The following KAT2A variants were observed in gnomAD, a reference collection of about 807,000 sequenced individuals.
The protein encoded by KAT2A is histone acetyltransferase KAT2A.
Under a neutral mutation model 95.2 loss-of-function variants are expected in KAT2A, and 42 were observed. That is an observed-to-expected ratio of 0.44 (90% CI 0.34 to 0.57). KAT2A has a LOEUF of 0.57. Among genes scored for constraint, KAT2A ranks in the 20% least tolerant of loss-of-function variants. KAT2A has a pLI of 0.01. For synonymous variants in KAT2A, 449 were observed against 448.2 expected, an observed-to-expected ratio of 1.00 and a Z score of -0.02; for missense variants, 784 against 1,126.3, an observed-to-expected ratio of 0.70 and a Z score of 4.35.
rs73311642 is a variant in KAT2A, at chr17:42,118,842, T to C, written c.1073+403A>G. On this transcript the variant is annotated intron_variant, in intron 6 of 17. Transcript: ENST00000225916. ...TTGAACAGGGGAGTTATGGCCTAGATTTTAAAAGGTGTGGCCGAACAGAAG... is the reference window on the plus strand; with the variant it reads ...TTGAACAGGGGAGTTATGGCCTAGACTTTAAAAGGTGTGGCCGAACAGAAG... Among the ~76,000 whole-genome samples, 722 of 152,292 alleles carry C rather than the reference T, an allele frequency of 4.7e-3. 7 individuals carry two copies. Among genetic ancestry groups the C allele is most frequent in the African/African-American group, 0.016 (683 of 41,546 alleles).
rs1490266865 is a variant in KAT2A at position 42,113,518 on chromosome 17, C to T, written c.*131G>A. The T allele has an allele frequency of 5.1e-6, 4 of 777,784 alleles. No homozygotes were observed. The South Asian group carries it at 5.4e-5, about 11-fold the overall frequency. The allele number at this position is 777,784 out of a possible 1,614,324, so 48.2% of individuals were successfully genotyped here. ...GAAGGTCCAGAAAGAGCTGCAGGAT[C>T]GGGTCCGGAGGACCCTTGGCTGGAG... On this transcript the variant is annotated 3_prime_UTR_variant, in exon 18 of 18. Coordinates refer to ENST00000225916, the MANE Select transcript of KAT2A (RefSeq NM_021078.3).
At position 42,114,118 on chromosome 17, in the gene KAT2A, C is replaced by A; in HGVS notation, c.2236-34G>T. 6.4e-7 allele frequency: 1 copy of A among 1,568,438 alleles called. No homozygotes were observed. The highest frequency in any genetic ancestry group is 8.6e-7 in the Non-Finnish European group (1 of 1,161,604). On this transcript the variant is annotated intron_variant, in intron 16 of 17. Coordinates refer to ENST00000225916, the MANE Select transcript of KAT2A (RefSeq NM_021078.3). This position sits in a 1 kb window ranked among gnomAD's most constrained non-coding sequence, Gnocchi z 6.0. Reference sequence around the variant, plus strand: ...AAGAGCCGGGCTGGGGACAGCCCTGCTGCGCCCACGCCAGCCCGAGACCAC... The same window carrying A: ...AAGAGCCGGGCTGGGGACAGCCCTGATGCGCCCACGCCAGCCCGAGACCAC...
In KAT2A at chr17:42,114,438, C is replaced by A. The variant is rs782303432; in HGVS notation, c.2135-44G>T. The A allele has an allele frequency of 1.9e-6, 3 of 1,613,724 alleles. No individual in the cohort carries two copies. The South Asian group carries it at 3.3e-5, about 18-fold the overall frequency. On this transcript the variant is annotated intron_variant, in intron 14 of 17. Transcript: ENST00000225916. This position sits in a 1 kb window ranked among gnomAD's most constrained non-coding sequence, Gnocchi z 6.0. ...GAGAATGTCTCTAAGAATGCCAGTC[C>A]ACACCCCAAGCATCGTGCCCCCACT... is the stretch of plus-strand genomic sequence containing the variant.
chr17:42,120,293 T>C lies in KAT2A; in HGVS notation c.541A>G (p.Asn181Asp). The change falls in exon 3 of 18, where the codon AAT (asparagine) becomes GAT (aspartate). Residue 181 changes from asparagine (N) to aspartate (D), a missense_variant. Physicochemically the swap from Asn to Asp is conservative, Grantham distance 23. Around this residue, in one of 6 missense-constraint regions of KAT2A, gnomAD observed 208 missense variants for 339.7 expected, o/e 0.61. Coordinates refer to ENST00000225916, the MANE Select transcript of KAT2A (RefSeq NM_021078.3). ...TCCTTGTGAACAGACATGAAGAGAT[T>C]CTCCACATCCACCACCATCCCCAGC... ...RLLGMVVDVE[N>D]LFMSVHKEED... 6.2e-7 allele frequency: 1 copy of C among 1,614,142 alleles called. No individual in the cohort carries two copies. Among genetic ancestry groups the C allele is most frequent in the Non-Finnish European group, 8.5e-7 (1 of 1,179,988 alleles).
chr17:42,121,310 C>G lies in KAT2A; in HGVS notation c.-6G>C. 7.3e-7 allele frequency: 1 copy of G among 1,367,150 alleles called. No individual in the cohort carries two copies. The highest frequency in any genetic ancestry group is 9.4e-7 in the Non-Finnish European group (1 of 1,067,812). 84.7% of individuals were successfully genotyped at this position (1,367,150 alleles called of 1,614,324 possible). On this transcript the variant is annotated 5_prime_UTR_variant, in exon 1 of 18. Transcript: ENST00000225916. The stretch of plus-strand genomic sequence containing the variant: ...GCCTGGGAAGGTTCCGCCATGGCCT[C>G]CCCCGCAGCGGAGAGCGGCGCCGCG...
In KAT2A at chr17:42,114,354, T is replaced by G. The variant is rs782644103; in HGVS notation, c.2171+4A>C. On this transcript the variant is annotated splice_donor_region_variant and intron_variant, in intron 15 of 17. Transcript: ENST00000225916. The surrounding 1 kb of genome is among the most constrained non-coding windows in gnomAD (Gnocchi z 6.0). ...ACCCCCAACCCGGCTCCTTTGACACTCACCCCTTCTCCTTCCCCAATGGCT... is the reference window on the plus strand; with the variant it reads ...ACCCCCAACCCGGCTCCTTTGACACGCACCCCTTCTCCTTCCCCAATGGCT... The G allele has an allele frequency of 6.2e-7, 1 of 1,613,694 alleles. No individual in the cohort carries two copies. Among genetic ancestry groups the G allele is most frequent in the South Asian group, 1.1e-5 (1 of 91,076 alleles).
At position 42,119,239 on chromosome 17, in the gene KAT2A, C is replaced by T; in HGVS notation, c.1073+6G>A. ...CCAAATCCTGGTAGGCCAGAAGGAGCCTTACTTGGGGAAGTGAGTGAGGAT... is the reference window on the plus strand; with the variant it reads ...CCAAATCCTGGTAGGCCAGAAGGAGTCTTACTTGGGGAAGTGAGTGAGGAT... On this transcript the variant is annotated splice_donor_region_variant and intron_variant, in intron 6 of 17. Transcript: ENST00000225916. This position sits in a 1 kb window ranked among gnomAD's most constrained non-coding sequence, Gnocchi z 5.3. The T allele has an allele frequency of 6.3e-7, 1 of 1,596,548 alleles. No individual in the cohort carries two copies. Among genetic ancestry groups the T allele is most frequent in the Non-Finnish European group, 8.6e-7 (1 of 1,168,208 alleles).
intron 12 of KAT2A, 75 bp from the exon 13 acceptor site, chr17:42,115,110 C>T (rs1555665705): frequency 4.7e-6 from 7 of 1,503,530 alleles, no homozygotes; most frequent in Non-Finnish European, 6.4e-6. Context: ...CCTGGGAGCA[C>T]CAGAGGAGTA....
chr17:42,119,225 T>C lies in KAT2A; in HGVS notation c.1073+20A>G, dbSNP rs1555666751. On this transcript the variant is annotated intron_variant, in intron 6 of 17. Coordinates refer to ENST00000225916, the MANE Select transcript of KAT2A (RefSeq NM_021078.3). The surrounding 1 kb of genome is among the most constrained non-coding windows in gnomAD (Gnocchi z 5.3). Reference sequence around the variant, plus strand: ...ATGTGAACTTGGGGCCAAATCCTGGTAGGCCAGAAGGAGCCTTACTTGGGG... The same window carrying C: ...ATGTGAACTTGGGGCCAAATCCTGGCAGGCCAGAAGGAGCCTTACTTGGGG... 2 of 1,582,024 alleles carry C rather than the reference T, an allele frequency of 1.3e-6. No homozygotes were observed. The highest frequency in any genetic ancestry group is 1.7e-6 in the Non-Finnish European group (2 of 1,160,526).
rs564691862 is a variant in KAT2A, at chr17:42,118,978, C to T, written c.1073+267G>A. ...GAAGGAGTCTGAGGCTGTGTCCAGG[C>T]CCCCATGGGAAACAATTAGTAACAT... On this transcript the variant is annotated intron_variant, in intron 6 of 17. Transcript: ENST00000225916. 7.2e-6 allele frequency: 9 copies of T among 1,247,664 alleles called. No homozygotes were observed. In the South Asian group the frequency reaches 1.2e-4, roughly 17 times the overall value. 77.3% of individuals were successfully genotyped at this position (1,247,664 alleles called of 1,614,324 possible).
rs1431668981 is a variant in KAT2A at position 42,114,545 on chromosome 17, G to T, written c.2079C>A (p.Leu693=). 6.2e-6 allele frequency: 10 copies of T among 1,613,942 alleles called. No homozygotes were observed. The highest frequency in any genetic ancestry group is 8.5e-6 in the Non-Finnish European group (10 of 1,179,992). ...QAQIRKVYPG[L]SCFKEGVRQI... is the part of the protein sequence containing the mutation. ...GCCTCACGCCCTCCTTGAAGCAGCT[G>T]AGCCCCGGGTAGACCTTGCGGATCT... Residue 693 remains leucine (L), a synonymous_variant, in exon 14 of 18, where the codon CTC becomes CTA. Coordinates refer to ENST00000225916, the MANE Select transcript of KAT2A (RefSeq NM_021078.3). The surrounding 1 kb of genome is among the most constrained non-coding windows in gnomAD (Gnocchi z 6.0).
rs781811205 is a variant in KAT2A, at chr17:42,114,195, G to A, written c.2235+24C>T. The A allele has an allele frequency of 1.6e-5, 25 of 1,590,038 alleles. No homozygotes were observed. The South Asian group carries it at 2.7e-4, about 17-fold the overall frequency. ...CCACAGCCATTGGTGCAGGGGCCCT[G>A]GAAAGGAAACCTGGTCTCCCCACCT... On this transcript the variant is annotated intron_variant, in intron 16 of 17. Transcript: ENST00000225916. The surrounding 1 kb of genome is among the most constrained non-coding windows in gnomAD (Gnocchi z 6.0).
In KAT2A at chr17:42,114,683, C is replaced by T; in HGVS notation, c.2020-79G>A. On this transcript the variant is annotated intron_variant, in intron 13 of 17. Coordinates refer to ENST00000225916, the MANE Select transcript of KAT2A (RefSeq NM_021078.3). The surrounding 1 kb of genome is among the most constrained non-coding windows in gnomAD (Gnocchi z 6.0). ...CCAGGGCCACAGTCGGAGCCACTGG[C>T]TGCACCCACCCAGCTGCAACGCCAC... 1.5e-6 allele frequency: 2 copies of T among 1,328,538 alleles called. No homozygotes were observed. Among genetic ancestry groups the T allele is most frequent in the Non-Finnish European group, 2.1e-6 (2 of 936,848 alleles). The allele number at this position is 1,328,538 out of a possible 1,614,324, so 82.3% of individuals were successfully genotyped here.
At chr17:42,116,247 A>G (rs2054256692) in intron 11 of KAT2A, among the ~76,000 whole-genome samples, 1 of 152,194 alleles carries the variant, frequency 6.6e-6, no homozygotes, top group Non-Finnish European at 1.5e-5. Context: ...AGTTGGGAGA[A>G]GCGGGAGAGG....
Position 42,121,275 on chromosome 17 carries a change from C to G in KAT2A, c.30G>C (p.Pro10=). 1.5e-6 allele frequency: 2 copies of G among 1,369,680 alleles called. No homozygotes were observed. The highest frequency in any genetic ancestry group is 1.9e-6 in the Non-Finnish European group (2 of 1,065,916). The allele number at this position is 1,369,680 out of a possible 1,614,324, so 84.8% of individuals were successfully genotyped here. A position where few individuals can be genotyped will look rare whatever the true frequency, so the allele number is the denominator to read the frequency against. MAEPSQAPT[P]APAAQPRPLQ... ...GGGGCCGGGGCTGCGCAGCCGGGGCCGGGGTCGGGGCCTGGGAAGGTTCCG... is the reference window on the plus strand; with the variant it reads ...GGGGCCGGGGCTGCGCAGCCGGGGCGGGGGTCGGGGCCTGGGAAGGTTCCG... Residue 10 remains proline, a synonymous_variant, in exon 1 of 18, where the codon CCG becomes CCC. Transcript: ENST00000225916.
intron 11 of KAT2A, 93 bp from the exon 12 acceptor site, chr17:42,115,926 A>T: frequency 2.5e-6 from 2 of 791,776 alleles, no homozygotes; most frequent in Admixed American, 3.4e-5. Flanking sequence ...GTAGATTGGA[A>T]AGGAGGTAGA....
At chr17:42,120,466 C>T (rs1402593125) in intron 2 of KAT2A, 96 bp from the exon 3 acceptor site, 2 of 1,382,452 alleles carry the variant, frequency 1.4e-6, no homozygotes, top group African/African-American at 1.4e-5. Context: ...ACACTCTGTT[C>T]CTCCAACCAG....
At position 42,114,150 on chromosome 17, in the gene KAT2A, C is replaced by A; in HGVS notation, c.2236-66G>T. The A allele has an allele frequency of 1.3e-6, 2 of 1,575,162 alleles. No homozygotes were observed. Among genetic ancestry groups the A allele is most frequent in the Non-Finnish European group, 1.7e-6 (2 of 1,161,562 alleles). ...CACGCCAGCCCGAGACCACTACCCA[C>A]CCCACACTGCATCAAGAGGCCACAG... On this transcript the variant is annotated intron_variant, in intron 16 of 17. Transcript: ENST00000225916. The surrounding 1 kb of genome is among the most constrained non-coding windows in gnomAD (Gnocchi z 6.0).
At chr17:42,116,929 G>A (rs1454694305) in intron 11 of KAT2A, 106 bp downstream of exon 11, 4 of 1,393,124 alleles carry the variant, frequency 2.9e-6, no homozygotes, top group Non-Finnish European at 3.0e-6. Context: ...CGCTAACTAA[G>A]AGAAGAGCAA....
Sources: gnomAD v4.1 joint callset for allele counts (sites outside exome capture counted in the v4.1 genomes callset) on GRCh38, gnomAD v4.1.1 for gene constraint, gnomAD v4.1.1 regional missense constraint, Gnocchi (gnomAD v3.1) non-coding constraint, MANE v1.5 for transcripts, NCBI Gene and HGNC (gene_info 2026-07-23, HGNC 2026-07-21) for gene names.